ANKRD6: variants seen among roughly 807,000 people sequenced by gnomAD.
The protein encoded by ANKRD6 is ankyrin repeat domain-containing protein 6.
In ANKRD6, 56 loss-of-function variants were observed where a neutral mutation model predicts 82.3. That is an observed-to-expected ratio of 0.68 (90% CI 0.55 to 0.85). ANKRD6 has a LOEUF of 0.85. ANKRD6 is among the 40% of genes least tolerant of loss of function. The pLI, the probability that ANKRD6 is intolerant of heterozygous loss-of-function variation, is 0.00. For missense variants in ANKRD6, 852 were observed against 907.6 expected, an observed-to-expected ratio of 0.94 and a Z score of 0.79; for synonymous variants, 347 against 352.1, an observed-to-expected ratio of 0.99 and a Z score of 0.16.
intron 1 of ANKRD6, among the ~76,000 whole-genome samples, chr6:89,554,476 A>G (rs1477664945): frequency 1.3e-5 from 2 of 151,812 alleles, no homozygotes; most frequent in Non-Finnish European, 2.9e-5. Context: ...ATTAATATAG[A>G]TTCTGGGGAC....
chr6:89,607,085 G>A (rs1387246247), intron 5 of ANKRD6, among the ~76,000 whole-genome samples: 4 of 151,482 alleles, frequency 2.6e-5, no homozygotes, highest in African/African-American at 4.9e-5. Flanking sequence ...CACAAGAATC[G>A]CTTGAACCTG....
intron 1 of ANKRD6, among the ~76,000 whole-genome samples, chr6:89,465,359 G>C (rs1292316111): frequency 1.3e-5 from 2 of 151,824 alleles, no homozygotes; most frequent in African/African-American, 2.4e-5. Flanking sequence ...GACCTCAAGT[G>C]ATCCGCCCAC....
chr6:89,545,922 A>C (rs1260521462), intron 1 of ANKRD6, among the ~76,000 whole-genome samples: 1 of 152,178 alleles, frequency 6.6e-6, no homozygotes, highest in Non-Finnish European at 1.5e-5. Flanking sequence ...CTCCTGCCTC[A>C]GCCTCCTGAG....
intron 1 of ANKRD6, among the ~76,000 whole-genome samples, chr6:89,543,354 A>G (rs1784657512): frequency 6.6e-6 from 1 of 152,076 alleles, no homozygotes; most frequent in African/African-American, 2.4e-5. Context: ...TTCTAAGTAT[A>G]TTTACCTCAT....
At chr6:89,594,588 C>T (rs1260274775) in intron 2 of ANKRD6, among the ~76,000 whole-genome samples, 6 of 152,046 alleles carry the variant, frequency 3.9e-5, no homozygotes, top group African/African-American at 7.3e-5. Flanking sequence ...GAGTGGTTAC[C>T]TCTGGGGATG....
intron 1 of ANKRD6, among the ~76,000 whole-genome samples, chr6:89,460,524 C>T (rs1378061621): frequency 6.6e-6 from 1 of 152,070 alleles, no homozygotes; most frequent in East Asian, 1.9e-4. Flanking sequence ...GCAACCTCTG[C>T]CTCCCAGGTT....
intron 1 of ANKRD6, among the ~76,000 whole-genome samples, chr6:89,483,077 T>C (rs961017983): frequency 2.0e-5 from 3 of 152,232 alleles, no homozygotes; most frequent in African/African-American, 7.2e-5. Flanking sequence ...TTGTCTTTTT[T>C]CCTTTGGGCT....
chr6:89,613,756 C>T, intron 6 of ANKRD6, 36 bp from the exon 7 acceptor site: 1 of 1,588,654 alleles, frequency 6.3e-7, no homozygotes, highest in Non-Finnish European at 8.6e-7. Flanking sequence ...TTTGTAACTG[C>T]TCAGATTGTG....
intron 1 of ANKRD6, among the ~76,000 whole-genome samples, chr6:89,496,549 GTCTC>G (rs1230369486): frequency 2.0e-5 from 3 of 152,154 alleles, no homozygotes; most frequent in Non-Finnish European, 2.9e-5. Context: ...TTGAGATGGA[GTCTC>G]TCTCTCTTCT....
intron 6 of ANKRD6, among the ~76,000 whole-genome samples, chr6:89,612,955 C>G (rs992754999): frequency 6.6e-6 from 1 of 152,240 alleles, no homozygotes; most frequent in African/African-American, 2.4e-5. Context: ...AAAGTGTCCT[C>G]AGGTGAGGGT....
At chr6:89,471,911 C>T (rs1775518198) in intron 1 of ANKRD6, among the ~76,000 whole-genome samples, 1 of 135,012 alleles carries the variant, frequency 7.4e-6, no homozygotes, top group South Asian at 2.4e-4. Flanking sequence ...TGCACTCTAG[C>T]CTGGGCAACA....
chr6:89,609,451 G>A (rs1799644085), intron 5 of ANKRD6, among the ~76,000 whole-genome samples: 1 of 150,680 alleles, frequency 6.6e-6, no homozygotes, highest in African/African-American at 2.4e-5. Context: ...ACAGGCACCT[G>A]CCATCACGCT....
chr6:89,438,664 AC>A (rs1770952528), intron 1 of ANKRD6, among the ~76,000 whole-genome samples: 1 of 151,838 alleles, frequency 6.6e-6, no homozygotes, highest in Non-Finnish European at 1.5e-5. Flanking sequence ...TTTTTTTTAG[AC>A]AAAATCTCGC....
intron 1 of ANKRD6, among the ~76,000 whole-genome samples, chr6:89,455,232 G>A (rs1050445866): frequency 2.7e-4 from 41 of 151,564 alleles, no homozygotes; most frequent in African/African-American, 9.7e-4. Context: ...GATGAGACTG[G>A]GTATTTTATA....
At chr6:89,455,325 C>A (rs958560199) in intron 1 of ANKRD6, among the ~76,000 whole-genome samples, 26 of 152,006 alleles carry the variant, frequency 1.7e-4, no homozygotes, top group African/African-American at 5.8e-4. Flanking sequence ...TCCAGGGAGG[C>A]CTCAAGGAGC....
At position 89,630,553 on chromosome 6, in the gene ANKRD6, T is replaced by A; in HGVS notation, c.1733T>A (p.Leu578Gln). ...STATQRLQQELSSSDCTGSRL... is the reference protein window; with the variant it reads ...STATQRLQQEQSSSDCTGSRL... ...GCTACCCAGAGACTCCAGCAGGAGC[T>A]GTCGTCTTCTGACTGTACAGGCTCC... The change falls in exon 16 of 16, where the codon CTG becomes CAG. Residue 578 changes from leucine to glutamine, a missense_variant. Physicochemically the swap from Leu to Gln is moderately radical, Grantham distance 113. Transcript: ENST00000339746. The A allele has an allele frequency of 6.2e-7, 1 of 1,613,968 alleles. No homozygotes were observed. The highest frequency in any genetic ancestry group is 8.5e-7 in the Non-Finnish European group (1 of 1,179,838).
chr6:89,587,593 A>G (rs1309031948), intron 2 of ANKRD6, among the ~76,000 whole-genome samples: 1 of 152,180 alleles, frequency 6.6e-6, no homozygotes, highest in Non-Finnish European at 1.5e-5. Flanking sequence ...ATCATTTATG[A>G]TTATTATTAT....
intron 1 of ANKRD6, among the ~76,000 whole-genome samples, chr6:89,534,143 TAA>T (rs1783539897): frequency 6.6e-6 from 1 of 152,234 alleles, no homozygotes; most frequent in African/African-American, 2.4e-5. Flanking sequence ...AGCTCTGCTG[TAA>T]AAGAGTTTAA....
intron 13 of ANKRD6, among the ~76,000 whole-genome samples, chr6:89,625,187 G>A (rs1805196399): frequency 6.6e-6 from 1 of 152,034 alleles, no homozygotes; most frequent in African/African-American, 2.4e-5. Flanking sequence ...GGAGGCTGAG[G>A]CATAAGAATT....
Sources: gnomAD v4.1 joint callset for allele counts (sites outside exome capture counted in the v4.1 genomes callset) on GRCh38, gnomAD v4.1.1 for gene constraint, MANE v1.5 for transcripts, NCBI Gene and HGNC (gene_info 2026-07-23, HGNC 2026-07-21) for gene names.